The following SLC23A2 variants were observed in gnomAD, a reference collection of about 807,000 sequenced individuals.
SLC23A2 encodes solute carrier family 23 member 2.
A neutral mutation model predicts 73.3 loss-of-function variants in SLC23A2; 36 were observed. The ratio of observed to expected loss-of-function variants is 0.49; its 90% CI spans 0.38 to 0.65. The LOEUF is 0.65. Among genes scored for constraint, SLC23A2 ranks in the 30% least tolerant of loss-of-function variants. The probability of loss-of-function intolerance (pLI) is 0.00; values close to 1 mark genes in which losing one functional copy is unlikely to be tolerated. For missense variants in SLC23A2, 507 were observed against 841.6 expected (o/e 0.60, Z 4.92); for synonymous variants, 343 against 327.3 (o/e 1.05, Z -0.52).
At chr20:4,861,818 G>T in intron 15 of SLC23A2, 130 bp downstream of exon 15, 1 of 887,588 alleles carries the variant, frequency 1.1e-6, no homozygotes, top group Non-Finnish European at 1.8e-6. Context: ...AGATTCAAGA[G>T]AGATCCACAG....
chr20:5,006,970 T>C (rs547906662), intron 1 of SLC23A2, among the ~76,000 whole-genome samples: 93 of 150,972 alleles, frequency 6.2e-4, no homozygotes, highest in Admixed American at 1.7e-3. Context: ...TGTGTGTGTG[T>C]GTGTGTGCGT....
Position 4,854,618 on chromosome 20 carries a change from G to T in SLC23A2, c.*2354C>A, listed in dbSNP as rs1929647577. The T allele has an allele frequency of 6.6e-6, 1 of 152,140 alleles. No homozygotes were observed. The highest frequency in any genetic ancestry group is 1.5e-5 in the Non-Finnish European group (1 of 68,058). 9.4% of individuals were successfully genotyped at this position (152,140 alleles called of 1,614,324 possible). On this transcript the variant is annotated 3_prime_UTR_variant, in exon 17 of 17. Coordinates refer to ENST00000338244, the MANE Select transcript of SLC23A2 (RefSeq NM_005116.6). Reference sequence around the variant, plus strand: ...CTCTCACTCCAACAGGAGTTGAAAGGGTAGGGCTTCCTTCCCTGTGTGAAG... The same window carrying T: ...CTCTCACTCCAACAGGAGTTGAAAGTGTAGGGCTTCCTTCCCTGTGTGAAG...
chr20:4,868,049 T>A lies in SLC23A2; in HGVS notation c.1251-174A>T, dbSNP rs888396703. On this transcript the variant is annotated intron_variant, in intron 12 of 16. Transcript: ENST00000338244. The surrounding 1 kb of genome is among the most constrained non-coding windows in gnomAD (Gnocchi z 4.4). ...ACAATCTCAGACCCCACCCCAGACC[T>A]GCTGAAGCAGAAAAGAATCTGCATT... Among the ~76,000 whole-genome samples the A allele has an allele frequency of 2.0e-5, 3 of 149,820 alleles. No homozygotes were observed. The highest frequency in any genetic ancestry group is 7.4e-5 in the African/African-American group (3 of 40,568).
intron 2 of SLC23A2, among the ~76,000 whole-genome samples, chr20:4,957,900 C>CA (rs368006652): frequency 0.14 from 10,729 of 76,954 alleles, 799 homozygotes; most frequent in African/African-American, 0.28. Context: ...GACTCCATCT[C>CA]AAAAAAAAAA....
At chr20:4,864,178 A>G (rs1930099884) in intron 13 of SLC23A2, among the ~76,000 whole-genome samples, 1 of 152,262 alleles carries the variant, frequency 6.6e-6, no homozygotes, top group Non-Finnish European at 1.5e-5. Context: ...ACAAGGATTT[A>G]TGTATGACCC....
chr20:5,008,699 C>A (rs766231019), intron 1 of SLC23A2, among the ~76,000 whole-genome samples: 11 of 152,198 alleles, frequency 7.2e-5, no homozygotes, highest in Admixed American at 2.0e-4. Flanking sequence ...GTACTGAAGA[C>A]CCCTCCTTTG....
At chr20:4,932,984 G>C (rs921191899) in intron 2 of SLC23A2, among the ~76,000 whole-genome samples, 1 of 152,094 alleles carries the variant, frequency 6.6e-6, no homozygotes, top group African/African-American at 2.4e-5. Context: ...AAATAGCTAA[G>C]GTACTTCTTT....
At chr20:4,901,004 C>T (rs1298053243) in intron 5 of SLC23A2, among the ~76,000 whole-genome samples, 2 of 152,142 alleles carry the variant, frequency 1.3e-5, no homozygotes, top group African/African-American at 2.4e-5. Context: ...TACTCTGAAT[C>T]GTCAGGAAGG....
At chr20:4,968,837 G>A (rs955104719) in intron 2 of SLC23A2, among the ~76,000 whole-genome samples, 1 of 150,984 alleles carries the variant, frequency 6.6e-6, no homozygotes, top group Non-Finnish European at 1.5e-5. Flanking sequence ...TCCTGCCTCA[G>A]CCTCCAGAGT....
chr20:4,874,164 G>A lies in SLC23A2; in HGVS notation c.946-72C>T, dbSNP rs149121969. On this transcript the variant is annotated intron_variant, in intron 10 of 16. Transcript: ENST00000338244. ...GTGTTGGCAAAAAACACGTCTTCCC[G>A]CGGTCGGAATATCACACCCCAGAGC... The A allele has an allele frequency of 8.2e-4, 1,210 of 1,482,650 alleles. 11 individuals are homozygous for A. Among genetic ancestry groups the A allele is most frequent in the South Asian group, 7.2e-3 (569 of 78,930 alleles). The allele number at this position is 1,482,650 out of a possible 1,614,324, so 91.8% of individuals were successfully genotyped here.
At chr20:4,891,318 C>T (rs1776960) in intron 6 of SLC23A2, among the ~76,000 whole-genome samples, 84,807 of 152,102 alleles carry the variant, frequency 0.56, 25,551 homozygotes, top group African/African-American at 0.79. Context: ...ATCAGACTCC[C>T]AGGCCCTTGA....
chr20:4,933,390 G>A (rs1401587040), intron 2 of SLC23A2, among the ~76,000 whole-genome samples: 2 of 151,946 alleles, frequency 1.3e-5, no homozygotes, highest in Non-Finnish European at 2.9e-5. Flanking sequence ...GAGATAGGTG[G>A]ATCACTTGAG....
chr20:4,877,025 C>T (rs528247526), intron 9 of SLC23A2, among the ~76,000 whole-genome samples: 10 of 138,752 alleles, frequency 7.2e-5, no homozygotes, highest in East Asian at 2.2e-4. Context: ...TACCAGGGGA[C>T]GGGGGAGGGA....
intron 8 of SLC23A2, among the ~76,000 whole-genome samples, chr20:4,884,054 C>T (rs1016459811): frequency 6.6e-5 from 10 of 152,186 alleles, no homozygotes; most frequent in East Asian, 1.9e-4. Context: ...CCTGGACACA[C>T]GGCCCACATG....
intron 1 of SLC23A2, among the ~76,000 whole-genome samples, chr20:4,973,733 G>A (rs2087600969): frequency 1.3e-5 from 2 of 152,142 alleles, no homozygotes; most frequent in Non-Finnish European, 2.9e-5. Context: ...AAGGCTACGG[G>A]GCTGAGATCA....
chr20:4,857,303 C>A lies in SLC23A2; in HGVS notation c.1721-99G>T. On this transcript the variant is annotated intron_variant, in intron 16 of 16. Transcript: ENST00000338244. This position sits in a 1 kb window ranked among gnomAD's most constrained non-coding sequence, Gnocchi z 4.0. Reference sequence around the variant, plus strand: ...ACACATACACACACACACACACACACACACACACACACACACACACACACA... The same window carrying A: ...ACACATACACACACACACACACACAAACACACACACACACACACACACACA... 1.9e-6 allele frequency: 1 copy of A among 534,100 alleles called. No individual in the cohort carries two copies. Among genetic ancestry groups the A allele is most frequent in the Non-Finnish European group, 3.3e-6 (1 of 299,926 alleles). 33.1% of individuals were successfully genotyped at this position (534,100 alleles called of 1,614,324 possible). A position where few individuals can be genotyped will look rare whatever the true frequency, so the allele number is the denominator to read the frequency against.
chr20:4,875,881 G>A (rs1478306431), intron 9 of SLC23A2, among the ~76,000 whole-genome samples: 1 of 152,200 alleles, frequency 6.6e-6, no homozygotes, highest in African/African-American at 2.4e-5. Context: ...TCCAATTGTT[G>A]AGATGGAATC....
chr20:4,869,405 TAAA>T (rs199826860), intron 12 of SLC23A2, among the ~76,000 whole-genome samples: 18 of 118,774 alleles, frequency 1.5e-4, no homozygotes, highest in Non-Finnish European at 1.8e-4. Flanking sequence ...TCAGTTTGTG[TAAA>T]AAAAAAAAAA....
chr20:4,941,658 C>T (rs982596330), intron 2 of SLC23A2, among the ~76,000 whole-genome samples: 1 of 151,220 alleles, frequency 6.6e-6, no homozygotes, highest in African/African-American at 2.4e-5. Context: ...GCCAAGATCC[C>T]ACCACGGCAC....
Sources: allele counts gnomAD v4.1 joint callset (sites outside exome capture counted in the v4.1 genomes callset), GRCh38; gene constraint gnomAD v4.1.1; non-coding constraint Gnocchi (gnomAD v3.1); transcripts MANE v1.5; gene names NCBI Gene and HGNC (gene_info 2026-07-23, HGNC 2026-07-21).